The following CCDC85A variants were observed in gnomAD, a reference collection of about 807,000 sequenced individuals.
CCDC85A encodes the protein coiled-coil domain containing 85A.
A neutral mutation model predicts 50.2 loss-of-function variants in CCDC85A; 38 were observed. That is an observed-to-expected ratio of 0.76 (90% CI 0.58 to 0.99). The LOEUF is 0.99. Ranked by LOEUF, CCDC85A falls within the 50% of genes least tolerant of loss-of-function variation. CCDC85A has a pLI of 0.00. For synonymous variants in CCDC85A, 366 were observed against 301.4 expected (o/e 1.21, Z -2.22); for missense variants, 820 against 742.0 (o/e 1.11, Z -1.22).
intron 2 of CCDC85A, among the ~76,000 whole-genome samples, chr2:56,297,804 T>C (rs531302434): frequency 6.6e-6 from 1 of 152,248 alleles, no homozygotes; most frequent in East Asian, 1.9e-4. Flanking sequence ...TTCATTCTTT[T>C]TCAGGCCATT....
chr2:56,193,205 C>G lies in CCDC85A; in HGVS notation c.1005C>G (p.Ser335Arg). The change falls in exon 2 of 6, where the codon AGC becomes AGG. Residue 335 changes from serine to arginine, a missense_variant. Ser to Arg is a moderately radical substitution (Grantham distance 110). Transcript: ENST00000407595. ...AACACGCCAGGCACAGTGGAGGGAG[C>G]CCGGAGCATCTTCAGAAACACGCTC... ...SPEHARHSGG[S>R]PEHLQKHALG... 6.2e-7 allele frequency: 1 copy of G among 1,613,756 alleles called. No individual in the cohort carries two copies. The highest frequency in any genetic ancestry group is 1.7e-4 in the Middle Eastern group (1 of 6,060).
chr2:56,350,835 CTTTT>C (rs1472973346), intron 3 of CCDC85A, among the ~76,000 whole-genome samples: 73 of 134,322 alleles, frequency 5.4e-4, no homozygotes, highest in African/African-American at 1.9e-3. Flanking sequence ...TTTTCAGTTT[CTTTT>C]TTATTTATTT....
intron 2 of CCDC85A, among the ~76,000 whole-genome samples, chr2:56,225,135 A>G (rs890307540): frequency 2.0e-4 from 30 of 151,318 alleles, no homozygotes; most frequent in African/African-American, 5.6e-4. Flanking sequence ...GTGTGTGGAT[A>G]TCCAGTTGTC....
intron 3 of CCDC85A, among the ~76,000 whole-genome samples, chr2:56,350,870 A>G (rs1171044430): frequency 6.9e-6 from 1 of 145,240 alleles, no homozygotes; most frequent in South Asian, 2.2e-4. Context: ...TTATTATTAT[A>G]CTTTAAGTTT....
intron 2 of CCDC85A, among the ~76,000 whole-genome samples, chr2:56,201,077 CACACACA>C (rs1384573419): frequency 8.9e-4 from 7 of 7,834 alleles, no homozygotes; most frequent in African/African-American, 2.6e-3. Context: ...CATCTCTCTC[CACACACA>C]CACACACACA....
At chr2:56,248,696 AGTAAGTTCATTTTTATCAAGCACTTTAC>A (rs1251133881) in intron 2 of CCDC85A, among the ~76,000 whole-genome samples, 23 of 152,336 alleles carry the variant, frequency 1.5e-4, no homozygotes, top group African/African-American at 4.3e-4. Flanking sequence ...TGGAGACAAT[AGTAAGTTCATTTTTATCAAGCACTTTAC>A]GTGGCAGGGC....
chr2:56,238,432 A>G (rs1477812980), intron 2 of CCDC85A, among the ~76,000 whole-genome samples: 2 of 149,926 alleles, frequency 1.3e-5, no homozygotes, highest in Non-Finnish European at 3.0e-5. Context: ...AAAAAAAAAA[A>G]GTGGCACTCA....
At chr2:56,254,249 A>G (rs1310400767) in intron 2 of CCDC85A, among the ~76,000 whole-genome samples, 3 of 152,092 alleles carry the variant, frequency 2.0e-5, no homozygotes, top group African/African-American at 7.2e-5. Context: ...TTCATAGTTC[A>G]TAAAGTTGTC....
At chr2:56,188,109 C>G (rs1676131518) in intron 1 of CCDC85A, among the ~76,000 whole-genome samples, 3 of 152,118 alleles carry the variant, frequency 2.0e-5, no homozygotes, top group African/African-American at 7.2e-5. Context: ...TTTAAAAGTC[C>G]ACTTAGACAC....
In CCDC85A at chr2:56,379,767, A is replaced by G. The variant is rs1462889718; in HGVS notation, c.1572+3832A>G. ...AAATCCAGGTCTTGGATGTTCAGGA[A>G]ACTATAGATCGTCAACAGGGTAAAG... On this transcript the variant is annotated intron_variant, in intron 5 of 5. Coordinates refer to ENST00000407595, the MANE Select transcript of CCDC85A (RefSeq NM_001080433.2). 4.1e-6 allele frequency: 4 copies of G among 984,002 alleles called. 1 individual carries two copies. The Admixed American group carries it at 2.5e-4, about 61-fold the overall frequency. 61.0% of individuals were successfully genotyped at this position (984,002 alleles called of 1,614,324 possible).
At chr2:56,222,076 T>G (rs1668350634) in intron 2 of CCDC85A, among the ~76,000 whole-genome samples, 1 of 152,042 alleles carries the variant, frequency 6.6e-6, no homozygotes, top group Non-Finnish European at 1.5e-5. Context: ...TCTAACCATC[T>G]CTTAAAAGCC....
At position 56,385,708 on chromosome 2, in the gene CCDC85A, AT is replaced by A. The variant is rs1215932423; in HGVS notation, c.*1355del. 7 of 151,866 alleles carry A rather than the reference AT, an allele frequency of 4.6e-5. No homozygotes were observed. The highest frequency in any genetic ancestry group is 1.7e-4 in the African/African-American group (7 of 41,376). The allele number at this position is 151,866 out of a possible 1,614,324, so 9.4% of individuals were successfully genotyped here. The stretch of plus-strand genomic sequence containing the variant: ...GATGGGCTCATTACATAACGAGTTA[AT>A]TGTCACTAGTAGGAGACTGTGAAGG... On this transcript the variant is annotated 3_prime_UTR_variant, in exon 6 of 6. Transcript: ENST00000407595.
chr2:56,264,947 G>A (rs529455279), intron 2 of CCDC85A, among the ~76,000 whole-genome samples: 1 of 152,148 alleles, frequency 6.6e-6, no homozygotes, highest in African/African-American at 2.4e-5. Context: ...CAGGTCTCTG[G>A]CAAAATGTCA....
At chr2:56,303,139 C>T (rs1012596240) in intron 2 of CCDC85A, among the ~76,000 whole-genome samples, 3 of 152,156 alleles carry the variant, frequency 2.0e-5, no homozygotes, top group Non-Finnish European at 2.9e-5. Context: ...AAACCCATCT[C>T]GCTGCATTGC....
chr2:56,204,047 G>T (rs1026859109), intron 2 of CCDC85A, among the ~76,000 whole-genome samples: 5 of 152,028 alleles, frequency 3.3e-5, no homozygotes, highest in African/African-American at 1.2e-4. Flanking sequence ...TCAAGCAAGG[G>T]GCTTAGAATA....
intron 2 of CCDC85A, among the ~76,000 whole-genome samples, chr2:56,268,641 A>C (rs1299054059): frequency 6.6e-6 from 1 of 151,642 alleles, no homozygotes; most frequent in African/African-American, 2.4e-5. Flanking sequence ...AAAAATGACA[A>C]AGTTACAAGT....
At chr2:56,230,873 T>C (rs1668745894) in intron 2 of CCDC85A, among the ~76,000 whole-genome samples, 1 of 152,174 alleles carries the variant, frequency 6.6e-6, no homozygotes, top group Non-Finnish European at 1.5e-5. Context: ...TGGAGGAAAT[T>C]AGAAGAATGA....
At chr2:56,323,349 G>T (rs1363128384) in intron 2 of CCDC85A, among the ~76,000 whole-genome samples, 1 of 152,042 alleles carries the variant, frequency 6.6e-6, no homozygotes, top group Admixed American at 6.6e-5. Flanking sequence ...ACAGAATTTA[G>T]CTTCTGAAGG....
At chr2:56,356,196 G>T (rs1376350895) in intron 3 of CCDC85A, among the ~76,000 whole-genome samples, 7 of 152,124 alleles carry the variant, frequency 4.6e-5, no homozygotes, top group Admixed American at 4.6e-4. Context: ...TATGCTTTTG[G>T]GTGCCTAGCA....
Sources: gnomAD v4.1 joint callset for allele counts (sites outside exome capture counted in the v4.1 genomes callset) on GRCh38, gnomAD v4.1.1 for gene constraint, MANE v1.5 for transcripts, NCBI Gene and HGNC (gene_info 2026-07-23, HGNC 2026-07-21) for gene names.